The following CADPS2 variants were observed in gnomAD, a reference collection of about 807,000 sequenced individuals.
CADPS2 encodes calcium dependent secretion activator 2, also known as calcium-dependent secretion activator 2.
CADPS2 carries 93 observed loss-of-function variants against 172.5 expected under a neutral mutation model. The ratio of observed to expected loss-of-function variants is 0.54; its 90% CI spans 0.46 to 0.64. CADPS2 has a LOEUF of 0.64. CADPS2 is among the 30% of genes least tolerant of loss of function. The pLI is 0.00. For missense variants in CADPS2, 1,420 were observed against 1,565.9 expected, an observed-to-expected ratio of 0.91 and a Z score of 1.57; for synonymous variants, 546 against 555.2, an observed-to-expected ratio of 0.98 and a Z score of 0.23.
intron 27 of CADPS2, among the ~76,000 whole-genome samples, chr7:122,348,297 T>C (rs1410474523): frequency 1.3e-5 from 2 of 152,176 alleles, no homozygotes; most frequent in Non-Finnish European, 2.9e-5. Context: ...CTTATAAGAT[T>C]AGACTATCAT....
intron 8 of CADPS2, among the ~76,000 whole-genome samples, chr7:122,518,895 T>G (rs2060576638): frequency 6.6e-6 from 1 of 152,090 alleles, no homozygotes; most frequent in African/African-American, 2.4e-5. Context: ...GCAGATTTTG[T>G]GTGTGTGTCT....
chr7:122,759,380 G>A (rs919154011), intron 1 of CADPS2, among the ~76,000 whole-genome samples: 2 of 152,150 alleles, frequency 1.3e-5, no homozygotes, highest in African/African-American at 4.8e-5. Flanking sequence ...GGATTGAAAT[G>A]CAAAGGTTAG....
chr7:122,489,511 A>G (rs1451639178), intron 11 of CADPS2, among the ~76,000 whole-genome samples: 6 of 152,158 alleles, frequency 3.9e-5, no homozygotes, highest in Non-Finnish European at 8.8e-5. Context: ...ATTAAGCATC[A>G]GTCATTTAAA....
chr7:122,812,431 G>A (rs1384168199), intron 1 of CADPS2, among the ~76,000 whole-genome samples: 1 of 151,234 alleles, frequency 6.6e-6, no homozygotes, highest in Admixed American at 6.6e-5. Context: ...AAGAGAGAGA[G>A]AGAGAGAGCA....
At chr7:122,386,367 T>A in intron 24 of CADPS2, 2 of 1,085,948 alleles carry the variant, frequency 1.8e-6, no homozygotes, top group Admixed American at 3.3e-5. Flanking sequence ...AAGGGAAGAA[T>A]AAAGAAATGA....
At chr7:122,610,324 A>T (rs898273519) in intron 6 of CADPS2, among the ~76,000 whole-genome samples, 1 of 96,658 alleles carries the variant, frequency 1.0e-5, no homozygotes, top group African/African-American at 3.1e-5. Context: ...TACTATTTGT[A>T]AAAAAAAAGT....
At chr7:122,510,902 A>G (rs2059960120) in intron 9 of CADPS2, among the ~76,000 whole-genome samples, 2 of 152,144 alleles carry the variant, frequency 1.3e-5, no homozygotes, top group African/African-American at 2.4e-5. Flanking sequence ...TGAATGTAAG[A>G]TTCACTTGTG....
intron 2 of CADPS2, among the ~76,000 whole-genome samples, chr7:122,715,586 A>T (rs6466837): frequency 6.6e-6 from 1 of 152,120 alleles, no homozygotes; most frequent in African/African-American, 2.4e-5. Context: ...GGTCTGAAGC[A>T]TACAGGGTCT....
At chr7:122,632,045 T>C (rs2076626816) in intron 3 of CADPS2, among the ~76,000 whole-genome samples, 1 of 152,180 alleles carries the variant, frequency 6.6e-6, no homozygotes, top group Non-Finnish European at 1.5e-5. Flanking sequence ...GGTTGTGTAA[T>C]AATCCATGGT....
At chr7:122,718,930 T>G (rs571988836) in intron 2 of CADPS2, among the ~76,000 whole-genome samples, 2 of 152,300 alleles carry the variant, frequency 1.3e-5, no homozygotes, top group South Asian at 4.1e-4. Context: ...CTCTAGAACC[T>G]GCTGGATTTA....
chr7:122,397,299 G>C (rs114775681), intron 20 of CADPS2, among the ~76,000 whole-genome samples: 2,608 of 151,868 alleles, frequency 0.017, 80 homozygotes, highest in African/African-American at 0.06. Context: ...TCAGAATTCA[G>C]CAAAGAGTTA....
chr7:122,353,607 T>C (rs2038974720), intron 27 of CADPS2, among the ~76,000 whole-genome samples: 1 of 152,180 alleles, frequency 6.6e-6, no homozygotes, highest in Non-Finnish European at 1.5e-5. Context: ...TAAATAGGGA[T>C]TTTAAAAATC....
chr7:122,491,905 T>A (rs1563495899), intron 9 of CADPS2, among the ~76,000 whole-genome samples: 2 of 152,096 alleles, frequency 1.3e-5, no homozygotes, highest in Non-Finnish European at 2.9e-5. Flanking sequence ...TAAAAAAAGA[T>A]CTCACGCCTG....
At chr7:122,338,669 G>A (rs565137144) in intron 28 of CADPS2, among the ~76,000 whole-genome samples, 1 of 152,224 alleles carries the variant, frequency 6.6e-6, no homozygotes, top group Admixed American at 6.5e-5. Context: ...AATTTGTGAA[G>A]ACCATATAAC....
intron 6 of CADPS2, among the ~76,000 whole-genome samples, chr7:122,594,209 A>G (rs2071373254): frequency 6.6e-6 from 1 of 152,054 alleles, no homozygotes; most frequent in South Asian, 2.1e-4. Context: ...CTGAGATAGG[A>G]GGATTGCTTG....
chr7:122,597,152 C>A (rs2071940704), intron 6 of CADPS2, among the ~76,000 whole-genome samples: 2 of 152,118 alleles, frequency 1.3e-5, no homozygotes, highest in Admixed American at 1.3e-4. Context: ...ACCTCCAACA[C>A]TGGAGATTAC....
intron 1 of CADPS2, chr7:122,849,929 GC>G: frequency 1.8e-6 from 1 of 556,222 alleles, no homozygotes; most frequent in Admixed American, 2.7e-5. Flanking sequence ...TCTGGCCCAG[GC>G]CCCAGCTCCT....
At chr7:122,705,725 TCATATATTATATAA>T (rs2087009886) in intron 2 of CADPS2, among the ~76,000 whole-genome samples, 1 of 18,058 alleles carries the variant, frequency 5.5e-5, no homozygotes, top group Non-Finnish European at 1.1e-4. Context: ...ATATAATATA[TCATATATTATATAA>T]TATATAATAT....
Position 122,537,953 on chromosome 7 carries a change from T to G in CADPS2, c.1475+16597A>C, listed in dbSNP as rs576607485. Among the ~76,000 whole-genome samples, 12 of 151,892 alleles carry G rather than the reference T, an allele frequency of 7.9e-5. No individual in the cohort carries two copies. In the East Asian group the frequency reaches 1.9e-3, roughly 24 times the overall value. On this transcript the variant is annotated intron_variant, in intron 8 of 29. Transcript: ENST00000449022. ...AATAATAATCTGGAAAAAAATACTT[T>G]CCAAAGGAAAAACTAACATAAAATG...
Sources: allele counts gnomAD v4.1 joint callset (sites outside exome capture counted in the v4.1 genomes callset), GRCh38; gene constraint gnomAD v4.1.1; transcripts MANE v1.5; gene names NCBI Gene and HGNC (gene_info 2026-07-23, HGNC 2026-07-21).